ERAP1: variants seen among roughly 807,000 people sequenced by gnomAD.
ERAP1 encodes endoplasmic reticulum aminopeptidase 1, also known as adipocyte-derived leucine aminopeptidase.
In ERAP1, 86 loss-of-function variants were observed where a neutral mutation model predicts 103.7. That is an observed-to-expected ratio of 0.83 (90% CI 0.70 to 0.99). ERAP1 has a LOEUF of 0.99. Ranked by LOEUF, ERAP1 falls within the 50% of genes least tolerant of loss-of-function variation. The pLI, the probability that ERAP1 is intolerant of heterozygous loss-of-function variation, is 0.00. For synonymous variants in ERAP1, 398 were observed against 402.4 expected (o/e 0.99, Z 0.13); for missense variants, 1,009 against 1,128.4 (o/e 0.89, Z 1.52).
At chr5:96,848,003 AAC>A in the ERAP1 span, among the ~76,000 whole-genome samples, 17 of 118,060 alleles carry the variant, frequency 1.4e-4, no homozygotes, top group East Asian at 2.7e-3. Context: ...AGACTAGAAA[AAC>A]AAAAAAAAAA....
rs776280414 is a variant in ERAP1 at position 96,795,051 on chromosome 5, G to T, written c.910C>A (p.Pro304Thr). Residue 304 changes from proline (P) to threonine (T), a missense_variant, in exon 5 of 19, where the codon CCC becomes ACC. Around this residue, in one of 3 missense-constraint regions of ERAP1, gnomAD observed 392 missense variants for 455.2 expected, o/e 0.86. Transcript: ENST00000443439. ...EDYFSIPYPL[P>T]KQDLAAIPDF... ...TGTGCAAAATCTCTACCTTGTTTGG[G>T]TAGGGGATACGGTATGCTGAAATAA... The T allele has an allele frequency of 1.9e-6, 3 of 1,613,966 alleles. No homozygotes were observed.
At chr5:96,868,102 C>CAAAA in the ERAP1 span, among the ~76,000 whole-genome samples, 28 of 151,814 alleles carry the variant, frequency 1.8e-4, no homozygotes, top group Non-Finnish European at 3.5e-4. Flanking sequence ...AACAAACAAA[C>CAAAA]AAAAAAACTC....
intron 16 of ERAP1, 148 bp downstream of exon 16, chr5:96,781,545 G>T: frequency 2.0e-6 from 2 of 1,000,582 alleles, no homozygotes; most frequent in African/African-American, 1.6e-5. Context: ...CTAATTATTT[G>T]CCTTTCTCAT....
the ERAP1 span, among the ~76,000 whole-genome samples, chr5:96,885,502 A>T: frequency 2.6e-5 from 4 of 152,232 alleles, 1 homozygote; most frequent in Non-Finnish European, 5.9e-5. Context: ...TTTCAAATAG[A>T]ATTCAGCAAA....
the ERAP1 span, among the ~76,000 whole-genome samples, chr5:96,822,073 G>A: frequency 3.3e-5 from 5 of 152,248 alleles, no homozygotes; most frequent in South Asian, 2.1e-4. Context: ...ACACATCAGC[G>A]TTATCTCCCG....
chr5:96,786,219 A>G (rs1292003654), intron 12 of ERAP1, among the ~76,000 whole-genome samples: 3 of 152,240 alleles, frequency 2.0e-5, no homozygotes. Context: ...GGCCATACAT[A>G]TGATATAACC....
In ERAP1 at chr5:96,774,588, T is replaced by C. The variant is rs574921616; in HGVS notation, c.*1808A>G. 1.0e-6 allele frequency: 1 copy of C among 985,580 alleles called. No homozygotes were observed. The highest frequency in any genetic ancestry group is 4.7e-5 in the South Asian group (1 of 21,290). The allele number at this position is 985,580 out of a possible 1,614,324, so 61.1% of individuals were successfully genotyped here. ...GGGCTTTTCCAAAAGCAAACAAAGATAGGTTCCTCAGGTGACCAAAACTGA... is the reference window on the plus strand; with the variant it reads ...GGGCTTTTCCAAAAGCAAACAAAGACAGGTTCCTCAGGTGACCAAAACTGA... On this transcript the variant is annotated 3_prime_UTR_variant, in exon 19 of 19. Coordinates refer to ENST00000443439, the MANE Select transcript of ERAP1 (RefSeq NM_001040458.3).
Position 96,776,044 on chromosome 5 carries a change from A to G in ERAP1, c.*352T>C. 1 of 1,185,362 alleles carries G rather than the reference A, an allele frequency of 8.4e-7. No homozygotes were observed. Among genetic ancestry groups the G allele is most frequent in the Non-Finnish European group, 1.1e-6 (1 of 939,420 alleles). The allele number at this position is 1,185,362 out of a possible 1,614,324, so 73.4% of individuals were successfully genotyped here. On this transcript the variant is annotated 3_prime_UTR_variant, in exon 19 of 19. Transcript: ENST00000443439. ...GTCGACTATTCAGAGTCTTTCGAGG[A>G]GACTGATGAAACAGTTTATGAATGA...
Position 96,781,150 on chromosome 5 carries a change from A to C in ERAP1, c.2496T>G (p.Phe832Leu), listed in dbSNP as rs80088786. 6.2e-7 allele frequency: 1 copy of C among 1,613,458 alleles called. No individual in the cohort carries two copies. Among genetic ancestry groups the C allele is most frequent in the East Asian group, 2.2e-5 (1 of 44,864 alleles). Residue 832 changes from phenylalanine (F) to leucine (L), a missense_variant, in exon 17 of 19, where the codon TTT becomes TTG. Phe to Leu is a conservative substitution (Grantham distance 22). Transcript: ENST00000443439. ...FKGDKIKTQE[F>L]PQILTLIGRN... ...TGCCAATGAGTGTAAGAATTTGTGG[A>C]AACTCCTGAGTTTTTATTTTATCTC...
chr5:96,877,264 T>G, the ERAP1 span, among the ~76,000 whole-genome samples: 1 of 152,200 alleles, frequency 6.6e-6, no homozygotes, highest in Non-Finnish European at 1.5e-5. Context: ...CCTGAGTCAC[T>G]GTGCCCGGTC....
chr5:96,903,749 T>G, the ERAP1 span, among the ~76,000 whole-genome samples: 1 of 152,216 alleles, frequency 6.6e-6, no homozygotes, highest in Non-Finnish European at 1.5e-5. Context: ...TTTATAATTG[T>G]AATCCAATAT....
At chr5:96,848,899 T>TC in the ERAP1 span, 7 of 151,826 alleles carry the variant, frequency 4.6e-5, no homozygotes, top group Non-Finnish European at 7.4e-5. Flanking sequence ...ACTATCAAAC[T>TC]TATTGAACAG....
At chr5:96,843,805 A>G in the ERAP1 span, among the ~76,000 whole-genome samples, 1 of 152,194 alleles carries the variant, frequency 6.6e-6, no homozygotes, top group Non-Finnish European at 1.5e-5. Context: ...GGAAGGAATC[A>G]AGTCCAAGAG....
the ERAP1 span, among the ~76,000 whole-genome samples, chr5:96,914,305 T>C: frequency 6.6e-6 from 1 of 152,184 alleles, no homozygotes; most frequent in East Asian, 1.9e-4. Flanking sequence ...ATCCCTGATA[T>C]CATTAATTCC....
intron 18 of ERAP1, among the ~76,000 whole-genome samples, chr5:96,778,845 C>T (rs755435942): frequency 4.6e-5 from 7 of 152,144 alleles, no homozygotes; most frequent in Admixed American, 2.6e-4. Context: ...GAGGGAAGAC[C>T]GGCAGGACTT....
the ERAP1 span, among the ~76,000 whole-genome samples, chr5:96,828,913 C>G: frequency 6.6e-6 from 1 of 152,108 alleles, no homozygotes; most frequent in African/African-American, 2.4e-5. Context: ...GTGGCACAAT[C>G]TCGGCTCATT....
the ERAP1 span, among the ~76,000 whole-genome samples, chr5:96,869,232 G>C: frequency 6.6e-6 from 1 of 151,982 alleles, no homozygotes; most frequent in Non-Finnish European, 1.5e-5. Context: ...AATTCAGAAA[G>C]CTAGGTGGTA....
chr5:96,766,246 T>G, intron 19 of ERAP1: 1 of 672,342 alleles, frequency 1.5e-6, no homozygotes, highest in Non-Finnish European at 2.6e-6. Context: ...TACAATAGCA[T>G]AAAACATACC....
At chr5:96,898,458 T>C in the ERAP1 span, among the ~76,000 whole-genome samples, 6 of 151,542 alleles carry the variant, frequency 4.0e-5, no homozygotes, top group Admixed American at 6.6e-5. Context: ...AAAATACTTA[T>C]AGGCCTGGTG....
Sources: gnomAD v4.1 joint callset for allele counts (sites outside exome capture counted in the v4.1 genomes callset) on GRCh38, gnomAD v4.1.1 for gene constraint, gnomAD v4.1.1 regional missense constraint, MANE v1.5 for transcripts, NCBI Gene and HGNC (gene_info 2026-07-23, HGNC 2026-07-21) for gene names.